The following GLI3 variants were observed in gnomAD, a reference collection of about 807,000 sequenced individuals.
GLI3 encodes GLI family zinc finger 3, also known as transcription activator GLI3.
A neutral mutation model predicts 100.8 loss-of-function variants in GLI3; 20 were observed. The observed-to-expected ratio is 0.20, with a 90% CI of 0.14 to 0.29. The LOEUF (loss-of-function observed/expected upper bound fraction) is 0.29, where lower values mean the gene tolerates loss of function less well. GLI3 is among the 10% of genes least tolerant of loss of function. The pLI is 1.00. For missense variants in GLI3, 2,040 were observed against 2,128.5 expected (o/e 0.96, Z 0.82); for synonymous variants, 938 against 860.5 (o/e 1.09, Z -1.58).
At chr7:42,100,097 T>C (rs1190286416) in intron 3 of GLI3, among the ~76,000 whole-genome samples, 1 of 152,242 alleles carries the variant, frequency 6.6e-6, no homozygotes, top group Non-Finnish European at 1.5e-5. Context: ...GTAGTTAACA[T>C]GCCAAGTCAA....
chr7:41,989,803 C>T (rs1477131322), intron 10 of GLI3, among the ~76,000 whole-genome samples: 2 of 151,636 alleles, frequency 1.3e-5, no homozygotes, highest in South Asian at 2.1e-4. Flanking sequence ...GAGGCTGAGG[C>T]GGGAGGATTG....
chr7:42,132,787 C>T (rs1786325791), intron 3 of GLI3, among the ~76,000 whole-genome samples: 1 of 152,114 alleles, frequency 6.6e-6, no homozygotes, highest in South Asian at 2.1e-4. Context: ...AATCTGACAC[C>T]ACTGATCAGA....
At chr7:42,236,243 G>C (rs1034099218) in intron 1 of GLI3, among the ~76,000 whole-genome samples, 4 of 152,134 alleles carry the variant, frequency 2.6e-5, no homozygotes, top group Non-Finnish European at 5.9e-5. Context: ...ACTCAAGAAA[G>C]TAACTGTCCC....
intron 2 of GLI3, among the ~76,000 whole-genome samples, chr7:42,173,491 T>A (rs1263733831): frequency 6.6e-6 from 1 of 152,198 alleles, no homozygotes; most frequent in African/African-American, 2.4e-5. Flanking sequence ...AAGCTGCCCA[T>A]TTATTCTGAT....
chr7:42,052,327 C>A (rs1406898347), intron 4 of GLI3, among the ~76,000 whole-genome samples: 15 of 152,178 alleles, frequency 9.9e-5, no homozygotes, highest in Admixed American at 9.8e-4. Flanking sequence ...AATCTGATCA[C>A]ACCAGTCGGC....
intron 12 of GLI3, among the ~76,000 whole-genome samples, chr7:41,974,913 AG>A (rs1472096555): frequency 6.6e-6 from 1 of 152,218 alleles, no homozygotes; most frequent in Non-Finnish European, 1.5e-5. Context: ...AGCTTCTGGA[AG>A]GTTTCATTCA....
upstream of GLI3, among the ~76,000 whole-genome samples, chr7:42,238,406 C>T (rs1478725221): frequency 6.6e-6 from 1 of 152,208 alleles, no homozygotes; most frequent in Non-Finnish European, 1.5e-5. Flanking sequence ...AAAGCCATCC[C>T]CGAAACTCCC....
At chr7:42,145,463 C>T (rs1786679301) in intron 3 of GLI3, 1 of 398,208 alleles carries the variant, frequency 2.5e-6, no homozygotes, top group Non-Finnish European at 4.4e-6. Flanking sequence ...TATAGTCGAT[C>T]TACTGAGGTT....
intron 2 of GLI3, among the ~76,000 whole-genome samples, chr7:42,160,468 C>T (rs528599795): frequency 6.1e-4 from 93 of 152,286 alleles, no homozygotes; most frequent in African/African-American, 2.0e-3. Context: ...CTTGGGGTCA[C>T]GGCATACAAT....
rs556353181 is a variant in GLI3, at chr7:41,978,512, TC to T, written c.1647+86del. The T allele has an allele frequency of 2.4e-4, 307 of 1,293,366 alleles. 2 individuals carry two copies. The East Asian group carries it at 5.7e-3, about 24-fold the overall frequency. 80.1% of individuals were successfully genotyped at this position (1,293,366 alleles called of 1,614,324 possible). On this transcript the variant is annotated intron_variant, in intron 11 of 14. Transcript: ENST00000395925. ...TCTTCTCTTGCCACCCAACCACGCT[TC>T]CCCTGAGCTGGTGTCATCAGTTTGC...
At chr7:42,040,382 C>A (rs140115081) in intron 6 of GLI3, 143 bp from the exon 7 acceptor site, 18 of 703,064 alleles carry the variant, frequency 2.6e-5, no homozygotes, top group African/African-American at 2.5e-4. Context: ...CCCATGTGAT[C>A]TACTAGCTAC....
In GLI3 at chr7:42,034,048, T is replaced by G. The variant is rs193184115; in HGVS notation, c.1028+5990A>C. On this transcript the variant is annotated intron_variant, in intron 7 of 14. Coordinates refer to ENST00000395925, the MANE Select transcript of GLI3 (RefSeq NM_000168.6). ...AGCTACTTGCCATTAAGCAGCCAAA[T>G]AGATATGACCTCAATGAACGTGAAT... 1.6e-3 allele frequency among the ~76,000 whole-genome samples: 239 copies of G among 152,288 alleles called. 3 individuals carry two copies. The highest frequency in any genetic ancestry group is 4.7e-3 in the African/African-American group (194 of 41,548).
chr7:42,210,030 T>C (rs1384587847), intron 2 of GLI3, among the ~76,000 whole-genome samples: 2 of 138,348 alleles, frequency 1.4e-5, no homozygotes, highest in African/African-American at 5.3e-5. Context: ...TAGGCCCATG[T>C]CCATAAAGTG....
chr7:42,050,402 A>C (rs1201372935), intron 4 of GLI3, among the ~76,000 whole-genome samples: 1 of 152,224 alleles, frequency 6.6e-6, no homozygotes. Flanking sequence ...TTCCTATTTT[A>C]GCTCTTTACT....
rs765262375 is a variant in GLI3 at position 41,965,424 on chromosome 7, C to T, written c.3649G>A (p.Gly1217Arg). 5 of 1,607,908 alleles carry T rather than the reference C, an allele frequency of 3.1e-6. No individual in the cohort carries two copies. The highest frequency in any genetic ancestry group is 1.7e-6 in the Non-Finnish European group (2 of 1,176,930). The change falls in exon 15 of 15, where the codon GGG becomes AGG. Residue 1217 changes from glycine to arginine, a missense_variant. Gly to Arg is a moderately radical substitution (Grantham distance 125). Transcript: ENST00000395925. ...SGPAGGYQTL[G>R]ENSNPYGGPE... ...CCACCGTAGGGGTTGCTGTTCTCCC[C>T]GAGGGTCTGATAGCCCCCAGCAGGC...
chr7:42,112,332 T>C (rs866629426), intron 3 of GLI3, among the ~76,000 whole-genome samples: 2 of 152,154 alleles, frequency 1.3e-5, no homozygotes, highest in African/African-American at 2.4e-5. Context: ...TATTTGGTTA[T>C]ATGACCACAG....
intron 2 of GLI3, among the ~76,000 whole-genome samples, chr7:42,181,621 AC>A (rs1220620795): frequency 6.6e-6 from 1 of 152,202 alleles, no homozygotes; most frequent in Admixed American, 6.5e-5. Context: ...AAACAAAAAA[AC>A]AACAAAAACA....
intron 2 of GLI3, among the ~76,000 whole-genome samples, chr7:42,185,448 T>C (rs1428331886): frequency 6.6e-6 from 1 of 152,148 alleles, no homozygotes; most frequent in Non-Finnish European, 1.5e-5. Flanking sequence ...TTTCAAGTAG[T>C]AGTATGATCC....
chr7:42,133,684 G>C (rs952299394), intron 3 of GLI3, among the ~76,000 whole-genome samples: 1 of 150,244 alleles, frequency 6.7e-6, no homozygotes, highest in African/African-American at 2.4e-5. Context: ...TTGCTCACCT[G>C]GTGGCTCATT....
Sources: allele counts gnomAD v4.1 joint callset (sites outside exome capture counted in the v4.1 genomes callset), GRCh38; gene constraint gnomAD v4.1.1; transcripts MANE v1.5; gene names NCBI Gene and HGNC (gene_info 2026-07-23, HGNC 2026-07-21).